BACH2: variants seen among roughly 807,000 people sequenced by gnomAD.
BACH2 encodes the protein BACH transcriptional regulator 2.
A neutral mutation model predicts 61.8 loss-of-function variants in BACH2; 5 were observed. The ratio of observed to expected loss-of-function variants is 0.08; its 90% CI spans 0.04 to 0.17. The LOEUF is 0.17. Ranked by LOEUF, BACH2 falls within the 10% of genes least tolerant of loss-of-function variation. The pLI is 1.00. For synonymous variants in BACH2, 446 were observed against 440.1 expected, an observed-to-expected ratio of 1.01 and a Z score of -0.17; for missense variants, 824 against 1,091.1, an observed-to-expected ratio of 0.76 and a Z score of 3.45.
rs79475464 is a variant in BACH2, at chr6:90,155,913, G to T, written c.-162+50656C>A. Among the ~76,000 whole-genome samples, 1,504 of 152,280 alleles carry T rather than the reference G, an allele frequency of 9.9e-3. 22 individuals are homozygous for T. The highest frequency in any genetic ancestry group is 0.028 in the African/African-American group (1,151 of 41,532). On this transcript the variant is annotated intron_variant, in intron 4 of 8. Transcript: ENST00000257749. Reference sequence around the variant, plus strand: ...TGCTGGCCGACTAAAAAAAGTCATGGATGGGTTGTCAATATTGCATAAAGT... The same window carrying T: ...TGCTGGCCGACTAAAAAAAGTCATGTATGGGTTGTCAATATTGCATAAAGT...
rs1288840743 is a variant in BACH2, at chr6:89,930,868, G to A, written c.*1540C>T. 1 of 152,416 alleles carries A rather than the reference G, an allele frequency of 6.6e-6. No individual in the cohort carries two copies. The highest frequency in any genetic ancestry group is 1.9e-4 in the East Asian group (1 of 5,316). 9.4% of individuals were successfully genotyped at this position (152,416 alleles called of 1,614,324 possible). A position where few individuals can be genotyped will look rare whatever the true frequency, so the allele number is the denominator to read the frequency against. The stretch of plus-strand genomic sequence containing the variant: ...AGAAAACTCCAAGCCTTTGGAGAAG[G>A]AAAGGAGAAAGAATGTGTCAGCCTG... On this transcript the variant is annotated 3_prime_UTR_variant, in exon 9 of 9. Coordinates refer to ENST00000257749, the MANE Select transcript of BACH2 (RefSeq NM_021813.4).
At chr6:90,270,268 G>A (rs1391800698) in intron 2 of BACH2, among the ~76,000 whole-genome samples, 1 of 152,114 alleles carries the variant, frequency 6.6e-6, no homozygotes, top group East Asian at 1.9e-4. Context: ...AGATGGAATG[G>A]TAGTTCTACT....
In BACH2 at chr6:89,950,155, G is replaced by A. The variant is rs768942514; in HGVS notation, c.1836+115C>T. Reference sequence around the variant, plus strand: ...GGATGGGGAAGGCAGTCTCTCTACTGTCATCTTTAATCTTAGCACGTAAGA... The same window carrying A: ...GGATGGGGAAGGCAGTCTCTCTACTATCATCTTTAATCTTAGCACGTAAGA... On this transcript the variant is annotated intron_variant, in intron 7 of 8. Coordinates refer to ENST00000257749, the MANE Select transcript of BACH2 (RefSeq NM_021813.4). The surrounding 1 kb of genome is among the most constrained non-coding windows in gnomAD (Gnocchi z 5.3). 1.6e-6 allele frequency: 2 copies of A among 1,249,546 alleles called. No individual in the cohort carries two copies. Among genetic ancestry groups the A allele is most frequent in the African/African-American group, 3.0e-5 (2 of 67,676 alleles). 77.4% of individuals were successfully genotyped at this position (1,249,546 alleles called of 1,614,324 possible).
At chr6:90,011,149 CTT>C (rs1777682932) in intron 5 of BACH2, among the ~76,000 whole-genome samples, 2 of 144,640 alleles carry the variant, frequency 1.4e-5, no homozygotes, top group African/African-American at 2.7e-5. Context: ...AAGATTTTCT[CTT>C]GTTTTCTGCT....
At chr6:90,295,151 T>G (rs1772300276) in intron 1 of BACH2, among the ~76,000 whole-genome samples, 1 of 151,704 alleles carries the variant, frequency 6.6e-6, no homozygotes, top group Non-Finnish European at 1.5e-5. Context: ...CCGGTCCCTC[T>G]CGTTTCCTGG....
At chr6:90,290,644 G>C (rs756055606) in intron 1 of BACH2, among the ~76,000 whole-genome samples, 4 of 152,188 alleles carry the variant, frequency 2.6e-5, no homozygotes, top group South Asian at 2.1e-4. Flanking sequence ...CATTCACTTT[G>C]TTTCCTACTT....
intron 4 of BACH2, among the ~76,000 whole-genome samples, chr6:90,134,595 G>A (rs1316944431): frequency 6.6e-6 from 1 of 152,218 alleles, no homozygotes; most frequent in African/African-American, 2.4e-5. Flanking sequence ...TAATAATTAT[G>A]CAGCAGAAAC....
chr6:90,257,547 C>T (rs1270239016), intron 2 of BACH2, among the ~76,000 whole-genome samples: 1 of 152,156 alleles, frequency 6.6e-6, no homozygotes, highest in Non-Finnish European at 1.5e-5. Flanking sequence ...GCCTTTTGCC[C>T]ATTTTATAAA....
At chr6:90,259,916 C>G (rs1223303775) in intron 2 of BACH2, among the ~76,000 whole-genome samples, 1 of 151,916 alleles carries the variant, frequency 6.6e-6, no homozygotes, top group Non-Finnish European at 1.5e-5. Context: ...GTAATTTCTT[C>G]AATTTCATTT....
chr6:90,050,697 A>G (rs1009526651), intron 5 of BACH2, among the ~76,000 whole-genome samples: 1 of 152,150 alleles, frequency 6.6e-6, no homozygotes, highest in Non-Finnish European at 1.5e-5. Flanking sequence ...AGATACTTTA[A>G]ATGTTCAGTT....
intron 3 of BACH2, among the ~76,000 whole-genome samples, chr6:90,226,414 A>G (rs543851256): frequency 6.6e-6 from 1 of 152,246 alleles, no homozygotes; most frequent in African/African-American, 2.4e-5. Flanking sequence ...GAGGAGCACC[A>G]ATTTGTAGTG....
intron 5 of BACH2, among the ~76,000 whole-genome samples, chr6:90,052,168 C>A (rs1302960325): frequency 6.6e-6 from 1 of 152,146 alleles, no homozygotes; most frequent in Non-Finnish European, 1.5e-5. Flanking sequence ...TTGTTTGATG[C>A]AAGATTCTAT....
At chr6:90,027,043 C>T (rs1672139260) in intron 5 of BACH2, among the ~76,000 whole-genome samples, 1 of 152,100 alleles carries the variant, frequency 6.6e-6, no homozygotes, top group African/African-American at 2.4e-5. Context: ...AGCCTAGGCA[C>T]ACCTGAAACC....
chr6:89,982,273 AAG>A (rs2128363286), intron 6 of BACH2, among the ~76,000 whole-genome samples: 1 of 152,164 alleles, frequency 6.6e-6, no homozygotes, highest in African/African-American at 2.4e-5. Flanking sequence ...AAGATGAGAG[AAG>A]AGAGTGAAGA....
intron 7 of BACH2, among the ~76,000 whole-genome samples, chr6:89,943,087 T>C (rs549578906): frequency 2.6e-5 from 4 of 152,296 alleles, no homozygotes; most frequent in East Asian, 3.9e-4. Context: ...GTTGGGATTA[T>C]AGGAGTGAGC....
At position 90,036,791 on chromosome 6, in the gene BACH2, A is replaced by G. The variant is rs74922777; in HGVS notation, c.-12-27935T>C. On this transcript the variant is annotated intron_variant, in intron 5 of 8. Coordinates refer to ENST00000257749, the MANE Select transcript of BACH2 (RefSeq NM_021813.4). The stretch of plus-strand genomic sequence containing the variant: ...GTATTCATTGAGTTTTGACAAATAC[A>G]TATACCCATGTAAACCAAATCTTAT... Among the ~76,000 whole-genome samples the G allele has an allele frequency of 5.9e-3, 905 of 152,308 alleles. 53 individuals are homozygous for G. In the East Asian group the frequency reaches 0.14, roughly 23 times the overall value.
intron 4 of BACH2, among the ~76,000 whole-genome samples, chr6:90,128,693 C>T (rs983014816): frequency 1.3e-5 from 2 of 152,050 alleles, no homozygotes; most frequent in Admixed American, 1.3e-4. Flanking sequence ...ACCATTTGAC[C>T]CAGCAATCCC....
chr6:90,189,544 C>G (rs948644249), intron 4 of BACH2, among the ~76,000 whole-genome samples: 1 of 142,412 alleles, frequency 7.0e-6, no homozygotes, highest in African/African-American at 2.7e-5. Flanking sequence ...GGAAGCGGAG[C>G]TTGCAGTGAG....
intron 3 of BACH2, among the ~76,000 whole-genome samples, chr6:90,244,882 A>T (rs915442361): frequency 6.6e-6 from 1 of 152,212 alleles, no homozygotes; most frequent in Non-Finnish European, 1.5e-5. Flanking sequence ...AACAATACCT[A>T]ATATAAATTA....
Sources: gnomAD v4.1 joint callset for allele counts (sites outside exome capture counted in the v4.1 genomes callset) on GRCh38, gnomAD v4.1.1 for gene constraint, Gnocchi (gnomAD v3.1) non-coding constraint, MANE v1.5 for transcripts, NCBI Gene and HGNC (gene_info 2026-07-23, HGNC 2026-07-21) for gene names.